JARID2: variants seen among roughly 807,000 people sequenced by gnomAD.
JARID2 encodes the protein protein Jumonji.
A neutral mutation model predicts 125.6 loss-of-function variants in JARID2; 21 were observed. That is an observed-to-expected ratio of 0.17 (90% CI 0.12 to 0.24). JARID2 has a LOEUF of 0.24. Among genes scored for constraint, JARID2 ranks in the 10% least tolerant of loss-of-function variants. The pLI is 1.00. For synonymous variants in JARID2, 736 were observed against 661.6 expected (o/e 1.11, Z -1.73); for missense variants, 1,303 against 1,639.6 (o/e 0.79, Z 3.55).
intron 1 of JARID2, among the ~76,000 whole-genome samples, chr6:15,268,701 T>C (rs1163776518): frequency 6.6e-6 from 1 of 152,218 alleles, no homozygotes; most frequent in Non-Finnish European, 1.5e-5. Flanking sequence ...CCTCCCCTGC[T>C]GTTTTGTAAA....
At chr6:15,421,026 A>G (rs896585995) in intron 3 of JARID2, among the ~76,000 whole-genome samples, 5 of 152,160 alleles carry the variant, frequency 3.3e-5, no homozygotes, top group African/African-American at 9.7e-5. Context: ...GGCAGATTCC[A>G]TTGTTGTCTG....
intron 4 of JARID2, 135 bp downstream of exon 4, chr6:15,452,310 AAG>A: frequency 9.0e-6 from 12 of 1,334,368 alleles, no homozygotes; most frequent in South Asian, 3.1e-5. Context: ...GGGGAATTGA[AAG>A]TGAGAAATCC....
intron 1 of JARID2, among the ~76,000 whole-genome samples, chr6:15,352,609 C>T (rs543680690): frequency 6.6e-6 from 1 of 152,236 alleles, no homozygotes; most frequent in African/African-American, 2.4e-5. Context: ...CCTTACTCTC[C>T]CTTAACGTCC....
chr6:15,246,250 T>TTG lies in JARID2; in HGVS notation c.-278_-277dup, dbSNP rs200932393. On this transcript the variant is annotated 5_prime_UTR_variant, in exon 1 of 18. Transcript: ENST00000341776. ...GGGAGTGAAGGGCGTCGGTTTTTTT[T>TTG]TGTGTGTGTGTGTATGTGTTTCGGG... The TTG allele has an allele frequency of 6.9e-4, 323 of 464,788 alleles. 2 individuals carry two copies. Among genetic ancestry groups the TTG allele is most frequent in the African/African-American group, 5.1e-3 (249 of 49,072 alleles). 28.8% of individuals were successfully genotyped at this position (464,788 alleles called of 1,614,324 possible). A position where few individuals can be genotyped will look rare whatever the true frequency, so the allele number is the denominator to read the frequency against.
intron 3 of JARID2, among the ~76,000 whole-genome samples, chr6:15,421,607 A>G (rs1392004005): frequency 1.3e-5 from 2 of 152,162 alleles, no homozygotes; most frequent in Non-Finnish European, 2.9e-5. Context: ...CTTAGCCTAG[A>G]TAATATTGTG....
intron 1 of JARID2, among the ~76,000 whole-genome samples, chr6:15,254,397 C>T (rs1759573652): frequency 6.6e-6 from 1 of 152,124 alleles, no homozygotes; most frequent in Admixed American, 6.6e-5. Flanking sequence ...GACCATGGAG[C>T]ACTGGGGAAA....
rs563695169 is a variant in JARID2 at position 15,476,343 on chromosome 6, G to A, written c.670+7625G>A. ...GCAGAGTGGCTCTGGTCATGGAGCC[G>A]GGACCTCTGGCCTCATGGCAGAGGT... On this transcript the variant is annotated intron_variant, in intron 5 of 17. Transcript: ENST00000341776. Among the ~76,000 whole-genome samples the A allele has an allele frequency of 3.9e-5, 6 of 152,260 alleles. No homozygotes were observed. The East Asian group carries it at 5.8e-4, about 15-fold the overall frequency.
chr6:15,514,617 G>C (rs1035452840), intron 16 of JARID2, among the ~76,000 whole-genome samples: 1 of 151,422 alleles, frequency 6.6e-6, no homozygotes, highest in Non-Finnish European at 1.5e-5. Flanking sequence ...AGCCTCTCCC[G>C]GATGAGTCAG....
intron 4 of JARID2, among the ~76,000 whole-genome samples, chr6:15,466,043 C>T (rs374709162): frequency 9.2e-5 from 14 of 152,124 alleles, no homozygotes; most frequent in East Asian, 7.7e-4. Context: ...ACCTCAGGTG[C>T]ACCACCCGCC....
intron 1 of JARID2, among the ~76,000 whole-genome samples, chr6:15,275,597 A>G (rs1760474882): frequency 7.5e-6 from 1 of 133,566 alleles, no homozygotes; most frequent in South Asian, 2.3e-4. Context: ...TTGAAATTAC[A>G]TGAGTATCCC....
At chr6:15,262,232 GTCTTAAACTCCTGGCC>G (rs1425845573) in intron 1 of JARID2, among the ~76,000 whole-genome samples, 2 of 151,192 alleles carry the variant, frequency 1.3e-5, no homozygotes, top group African/African-American at 4.9e-5. Context: ...TCCTCGGTGG[GTCTTAAACTCCTGGCC>G]TCAAGTGATC....
At chr6:15,469,000 G>C (rs908319303) in intron 5 of JARID2, among the ~76,000 whole-genome samples, 9 of 152,148 alleles carry the variant, frequency 5.9e-5, no homozygotes, top group African/African-American at 2.2e-4. Flanking sequence ...TCTACATGGG[G>C]ATGGTCAAGA....
At chr6:15,401,755 T>C (rs1445312368) in intron 2 of JARID2, among the ~76,000 whole-genome samples, 1 of 152,242 alleles carries the variant, frequency 6.6e-6, no homozygotes, top group East Asian at 1.9e-4. Flanking sequence ...CTTCAATGTT[T>C]GGTGCCTCAA....
intron 2 of JARID2, among the ~76,000 whole-genome samples, chr6:15,403,223 A>C (rs1765506712): frequency 6.6e-6 from 1 of 152,222 alleles, no homozygotes; most frequent in South Asian, 2.1e-4. Flanking sequence ...CATGAAGATC[A>C]CGGCTCTTTG....
At chr6:15,395,568 T>C (rs1281735912) in intron 2 of JARID2, among the ~76,000 whole-genome samples, 1 of 150,434 alleles carries the variant, frequency 6.6e-6, no homozygotes, top group African/African-American at 2.4e-5. Flanking sequence ...CTTGGCCTAA[T>C]TTTGTGTTTT....
chr6:15,402,780 T>C (rs1765488361), intron 2 of JARID2, among the ~76,000 whole-genome samples: 1 of 152,130 alleles, frequency 6.6e-6, no homozygotes, highest in African/African-American at 2.4e-5. Context: ...GAAGCTCGAG[T>C]TGCATATCCT....
intron 8 of JARID2, 129 bp from the exon 9 acceptor site, chr6:15,504,371 C>T (rs1225103527): frequency 4.4e-6 from 3 of 676,614 alleles, no homozygotes; most frequent in Non-Finnish European, 8.0e-6. Flanking sequence ...CTGTCATTAA[C>T]TCAGAATACA....
intron 1 of JARID2, among the ~76,000 whole-genome samples, chr6:15,321,981 CG>C (rs1561791558): frequency 2.0e-5 from 3 of 151,824 alleles, no homozygotes; most frequent in Admixed American, 1.3e-4. Context: ...TTACTAGAGA[CG>C]GGGTTTCACC....
intron 1 of JARID2, among the ~76,000 whole-genome samples, chr6:15,348,126 C>CT (rs1400264881): frequency 1.3e-5 from 2 of 151,188 alleles, no homozygotes; most frequent in African/African-American, 4.9e-5. Flanking sequence ...GAGTCTAGCT[C>CT]TGTCACCCAA....
Sources: gnomAD v4.1 joint callset for allele counts (sites outside exome capture counted in the v4.1 genomes callset) on GRCh38, gnomAD v4.1.1 for gene constraint, MANE v1.5 for transcripts, NCBI Gene and HGNC (gene_info 2026-07-23, HGNC 2026-07-21) for gene names.